Variants in PGGT1B observed in about 807,000 individuals in gnomAD.
PGGT1B encodes protein geranylgeranyltransferase type I subunit beta.
Under a neutral mutation model 46.1 loss-of-function variants are expected in PGGT1B, and 30 were observed. That is an observed-to-expected ratio of 0.65 (90% CI 0.49 to 0.88). The LOEUF (loss-of-function observed/expected upper bound fraction) is 0.88. Ranked by LOEUF, PGGT1B falls within the 40% of genes least tolerant of loss-of-function variation. PGGT1B has a pLI of 0.00. For missense variants in PGGT1B, 376 were observed against 455.9 expected (o/e 0.82, Z 1.60); for synonymous variants, 170 against 160.0 (o/e 1.06, Z -0.47).
At chr5:115,222,137 G>T in intron 6 of PGGT1B, 129 bp from the exon 7 acceptor site, 1 of 499,448 alleles carries the variant, frequency 2.0e-6, no homozygotes, top group Non-Finnish European at 3.4e-6. Context: ...AAATTTAAAA[G>T]ATGAGATTTT....
In PGGT1B at chr5:115,247,973, C is replaced by T. The variant is rs1747924637; in HGVS notation, c.259+5164G>A. The stretch of plus-strand genomic sequence containing the variant: ...TCTATAATATTTCCAAAACAGATGA[C>T]TTATAATTTTTAAAATATGCAACAC... On this transcript the variant is annotated intron_variant, in intron 2 of 8. Transcript: ENST00000419445. 2.6e-5 allele frequency among the ~76,000 whole-genome samples: 4 copies of T among 152,066 alleles called. No individual in the cohort carries two copies. The South Asian group carries it at 8.3e-4, about 31-fold the overall frequency.
chr5:115,215,730 G>A (rs954739048), intron 8 of PGGT1B, among the ~76,000 whole-genome samples: 3 of 152,172 alleles, frequency 2.0e-5, no homozygotes, highest in Non-Finnish European at 4.4e-5. Flanking sequence ...TCCAACCACA[G>A]CAGTTCTGTG....
rs1757234781 is a variant in PGGT1B at position 115,237,987 on chromosome 5, T to A, written c.350A>T (p.Tyr117Phe). Residue 117 changes from tyrosine to phenylalanine, a missense_variant, in exon 4 of 9, where the codon TAT (tyrosine) becomes TTT (phenylalanine). Tyr to Phe is a conservative substitution (Grantham distance 22, BLOSUM62 3). Around this residue, in one of 2 missense-constraint regions of PGGT1B, gnomAD observed 222 missense variants for 313.6 expected, o/e 0.71. Transcript: ENST00000419445. ...GGTCATTGCAATGTGGCCACTATCA[T>A]AAGGATGAGCTGTTCCAGGAGCCTA... The part of the protein sequence containing the change: ...PSKAPGTAHP[Y>F]DSGHIAMTYT... 6.2e-7 allele frequency: 1 copy of A among 1,610,302 alleles called. No homozygotes were observed. The highest frequency in any genetic ancestry group is 1.1e-5 in the South Asian group (1 of 90,242).
At chr5:115,244,480 A>AAAAAAAAAAAAG (rs1561482276) in intron 2 of PGGT1B, among the ~76,000 whole-genome samples, 5 of 136,238 alleles carry the variant, frequency 3.7e-5, no homozygotes, top group Non-Finnish European at 3.1e-5. Flanking sequence ...AAAAAAAAAA[A>AAAAAAAAAAAAG]AAAAAAAAAA....
At position 115,212,500 on chromosome 5, in the gene PGGT1B, C is replaced by G. The variant is rs766238561; in HGVS notation, c.1036G>C (p.Val346Leu). 6.2e-7 allele frequency: 1 copy of G among 1,613,518 alleles called. No individual in the cohort carries two copies. The highest frequency in any genetic ancestry group is 1.7e-5 in the Admixed American group (1 of 59,974). The change falls in exon 9 of 9, where the codon GTA (valine) becomes CTA (leucine). Residue 346 changes from valine to leucine, a missense_variant. Transcript: ENST00000419445. ...AGGCGTTCAGAAGTCCGTGTGCTTA[C>G]ATTCAGAGCAGGATGAACTTTACAA... ...GICKVHPALN[V>L]STRTSERLLD... is the part of the protein sequence containing the mutation.
chr5:115,236,395 T>C lies in PGGT1B; in HGVS notation c.607A>G (p.Ser203Gly). 1.9e-6 allele frequency: 3 copies of C among 1,591,868 alleles called. No individual in the cohort carries two copies. The highest frequency in any genetic ancestry group is 2.6e-6 in the Non-Finnish European group (3 of 1,172,034). ...MKKAITYIRR[S>G]MSYDNGLAQG... ...ATTTTATCAACAGAACTCACCATAC[T>C]CCTTCTAATATAGGTGATGGCTTTT... The change falls in exon 5 of 9, where the codon AGT becomes GGT. Residue 203 changes from serine (S) to glycine (G), a missense_variant. This residue lies in a region of PGGT1B where 222 missense variants were observed against 313.6 expected (regional missense o/e 0.71). Transcript: ENST00000419445.
intron 1 of PGGT1B, 130 bp from the exon 2 acceptor site, chr5:115,253,385 AGC>A: frequency 1.6e-6 from 1 of 635,888 alleles, no homozygotes. Context: ...ACCTTGCAAA[AGC>A]AAAAAATATA....
Position 115,205,207 on chromosome 5 carries a change from A to C in PGGT1B, c.*7195T>G, listed in dbSNP as rs1472946215. 1 of 152,178 alleles carries C rather than the reference A, an allele frequency of 6.6e-6. No individual in the cohort carries two copies. The highest frequency in any genetic ancestry group is 2.4e-5 in the African/African-American group (1 of 41,452). 9.4% of individuals were successfully genotyped at this position (152,178 alleles called of 1,614,324 possible). On this transcript the variant is annotated 3_prime_UTR_variant, in exon 9 of 9. Coordinates refer to ENST00000419445, the MANE Select transcript of PGGT1B (RefSeq NM_005023.4). The stretch of plus-strand genomic sequence containing the variant: ...TCTTTTACTTTTTCACAATTTCTCC[A>C]GTGAATTGTATGTCTTTCATGATCC...
At chr5:115,262,563 G>A (rs1294192920) in intron 1 of PGGT1B, 149 bp downstream of exon 1, 3 of 817,696 alleles carry the variant, frequency 3.7e-6, no homozygotes, top group Admixed American at 5.5e-5. Flanking sequence ...GGAGAGTGGG[G>A]GTAACCTCAA....
chr5:115,222,006 C>T lies in PGGT1B; in HGVS notation c.661G>A (p.Gly221Arg). The T allele has an allele frequency of 6.4e-7, 1 of 1,552,978 alleles. No individual in the cohort carries two copies. The highest frequency in any genetic ancestry group is 8.7e-7 in the Non-Finnish European group (1 of 1,152,746). ...AQGAGLESHGGSTFCGIASLC... is the reference protein window; with the variant it reads ...AQGAGLESHGRSTFCGIASLC... ...GAGGCAATGCCACAAAAAGTTGATC[C>T]TCCTGTTAATCAAAACCACACAACG... Residue 221 changes from glycine (G) to arginine (R), a missense_variant and splice_region_variant, in exon 7 of 9, where the codon GGA (glycine) becomes AGA (arginine). Physicochemically the swap from Gly to Arg is moderately radical, Grantham distance 125 (BLOSUM62 -2). Transcript: ENST00000419445.
rs538384476 is a variant in PGGT1B at position 115,245,979 on chromosome 5, G to C, written c.260-4373C>G. Among the ~76,000 whole-genome samples, 86 of 152,260 alleles carry C rather than the reference G, an allele frequency of 5.6e-4. 2 individuals are homozygous for C. Among genetic ancestry groups the C allele is most frequent in the African/African-American group, 1.8e-3 (74 of 41,540 alleles). On this transcript the variant is annotated intron_variant, in intron 2 of 8. Transcript: ENST00000419445. ...AAGAAAATTACTCATTTACTAAATTGAGTTATCAGTCACACACTTAAATCC... is the reference window on the plus strand; with the variant it reads ...AAGAAAATTACTCATTTACTAAATTCAGTTATCAGTCACACACTTAAATCC...
chr5:115,212,750 TAAAA>T (rs370212734), intron 8 of PGGT1B, among the ~76,000 whole-genome samples, 167 bp from the exon 9 acceptor site: 5 of 148,440 alleles, frequency 3.4e-5, no homozygotes, highest in African/African-American at 5.0e-5. Context: ...AAACACCAAT[TAAAA>T]AAAAAACTCA....
chr5:115,239,591 A>G (rs915662410), intron 3 of PGGT1B, among the ~76,000 whole-genome samples: 1 of 152,242 alleles, frequency 6.6e-6, no homozygotes, highest in African/African-American at 2.4e-5. Flanking sequence ...TAACCTTAAG[A>G]GCAGAAGATA....
At chr5:115,251,821 T>C (rs1401123066) in intron 2 of PGGT1B, among the ~76,000 whole-genome samples, 1 of 151,824 alleles carries the variant, frequency 6.6e-6, no homozygotes, top group African/African-American at 2.4e-5. Flanking sequence ...ACCGGGCATG[T>C]ACTTATAATT....
chr5:115,232,187 G>A (rs1194785894), intron 5 of PGGT1B, among the ~76,000 whole-genome samples: 2 of 152,026 alleles, frequency 1.3e-5, no homozygotes, highest in African/African-American at 2.4e-5. Context: ...CAGCTATTAC[G>A]GGAATGTTGA....
chr5:115,231,717 TAA>T (rs1437381695), intron 5 of PGGT1B: 1 of 152,010 alleles, frequency 6.6e-6, no homozygotes, highest in African/African-American at 2.4e-5. Context: ...AATCACTGCC[TAA>T]GAGAAAGTCC....
At chr5:115,241,981 G>A (rs761077085) in intron 2 of PGGT1B, among the ~76,000 whole-genome samples, 2 of 152,122 alleles carry the variant, frequency 1.3e-5, no homozygotes, top group Non-Finnish European at 2.9e-5. Context: ...CAAGGTAACG[G>A]TTAATAACAC....
intron 1 of PGGT1B, among the ~76,000 whole-genome samples, chr5:115,259,685 CAAAAAAAAA>C (rs917531364): frequency 7.6e-3 from 225 of 29,474 alleles, no homozygotes; most frequent in Non-Finnish European, 0.013. Flanking sequence ...GAGACTGTCT[CAAAAAAAAA>C]AAAAAAAAAA....
chr5:115,247,247 T>C (rs780118347), intron 2 of PGGT1B, among the ~76,000 whole-genome samples: 9 of 152,068 alleles, frequency 5.9e-5, no homozygotes, highest in Non-Finnish European at 1.2e-4. Context: ...AGTTTGAGAG[T>C]TTAAAGAGGT....
Sources: allele counts gnomAD v4.1 joint callset (sites outside exome capture counted in the v4.1 genomes callset), GRCh38; gene constraint gnomAD v4.1.1; regional missense constraint gnomAD v4.1.1; transcripts MANE v1.5; gene names NCBI Gene and HGNC (gene_info 2026-07-23, HGNC 2026-07-21).